MYCBP2: variants seen among roughly 807,000 people sequenced by gnomAD.
The protein encoded by MYCBP2 is MYC binding protein 2.
Under a neutral mutation model 525.3 loss-of-function variants are expected in MYCBP2, and 120 were observed. The observed-to-expected ratio is 0.23, with a 90% CI of 0.20 to 0.27. The LOEUF is 0.27. MYCBP2 is among the 10% of genes least tolerant of loss of function. MYCBP2 has a pLI of 1.00. For synonymous variants in MYCBP2, 1,894 were observed against 1,955.8 expected, an observed-to-expected ratio of 0.97 and a Z score of 0.83; for missense variants, 4,149 against 5,657.1, an observed-to-expected ratio of 0.73 and a Z score of 8.55.
intron 68 of MYCBP2, among the ~76,000 whole-genome samples, chr13:77,072,547 T>G (rs1206010103): frequency 3.3e-5 from 5 of 151,602 alleles, no homozygotes; most frequent in Non-Finnish European, 7.4e-5. Flanking sequence ...GGGAAAGAAA[T>G]AAAGTTGTGA....
Position 77,062,689 on chromosome 13 carries a change from A to T in MYCBP2, c.12681T>A (p.Leu4227=). ...CAAGAACACATAGGGATGCGAGAGC[A>T]AGCCAGAGCTGTTGAAAGGGAAGGC... ...VRCIATTRLW[L]ALASLCVLDQ... Residue 4227 remains leucine, a synonymous_variant, in exon 74 of 83, where the codon CTT becomes CTA. Transcript: ENST00000544440. The T allele has an allele frequency of 6.2e-7, 1 of 1,614,116 alleles. No individual in the cohort carries two copies. The highest frequency in any genetic ancestry group is 1.3e-5 in the African/African-American group (1 of 75,058).
intron 62 of MYCBP2, 47 bp downstream of exon 62, chr13:77,087,437 C>T (rs1320094973): frequency 4.8e-6 from 7 of 1,459,634 alleles, no homozygotes; most frequent in African/African-American, 4.2e-5. Flanking sequence ...AGGTATACTA[C>T]CAGTTTCTAT....
chr13:77,120,211 ACAC>A (rs1487643286), intron 55 of MYCBP2, among the ~76,000 whole-genome samples: 4 of 152,082 alleles, frequency 2.6e-5, no homozygotes, highest in African/African-American at 9.7e-5. Flanking sequence ...CATAAAGAAA[ACAC>A]CACCAAGCAT....
At chr13:77,199,223 A>C (rs996305418) in intron 26 of MYCBP2, among the ~76,000 whole-genome samples, 9 of 152,248 alleles carry the variant, frequency 5.9e-5, no homozygotes, top group Admixed American at 5.2e-4. Context: ...GCATTGCCTC[A>C]CTCGGGAAGC....
chr13:77,139,823 A>C (rs2054320711), intron 51 of MYCBP2, among the ~76,000 whole-genome samples: 1 of 152,226 alleles, frequency 6.6e-6, no homozygotes, highest in Admixed American at 6.5e-5. Flanking sequence ...ACTATGTCGA[A>C]CATTGTTCTT....
intron 68 of MYCBP2, 59 bp downstream of exon 68, chr13:77,076,692 T>C: frequency 2.9e-6 from 3 of 1,038,502 alleles, no homozygotes; most frequent in South Asian, 1.5e-5. Context: ...AAATGAATTA[T>C]TTCACTGAAA....
chr13:77,299,431 T>G (rs770888247), intron 1 of MYCBP2, among the ~76,000 whole-genome samples: 1 of 152,202 alleles, frequency 6.6e-6, no homozygotes, highest in Non-Finnish European at 1.5e-5. Context: ...AAATTACTTT[T>G]ACTGTGTTTT....
intron 55 of MYCBP2, among the ~76,000 whole-genome samples, chr13:77,112,078 T>G (rs1419005576): frequency 1.3e-5 from 2 of 152,004 alleles, no homozygotes; most frequent in African/African-American, 2.4e-5. Context: ...TATGTTAGCT[T>G]TTAAAATCTC....
In MYCBP2 at chr13:77,217,821, T is replaced by A. The variant is rs779215120; in HGVS notation, c.3057+19A>T. 3 of 1,485,894 alleles carry A rather than the reference T, an allele frequency of 2.0e-6. No individual in the cohort carries two copies. Among genetic ancestry groups the A allele is most frequent in the Admixed American group, 3.6e-5 (2 of 56,078 alleles). The allele number at this position is 1,485,894 out of a possible 1,614,324, so 92.0% of individuals were successfully genotyped here. On this transcript the variant is annotated intron_variant, in intron 21 of 82. Transcript: ENST00000544440. Reference sequence around the variant, plus strand: ...CAATGGTATAATGCAATATTATTAATGTTTTAAAAATTCCTTACAGAAAAA... The same window carrying A: ...CAATGGTATAATGCAATATTATTAAAGTTTTAAAAATTCCTTACAGAAAAA...
rs1419538256 is a variant in MYCBP2, at chr13:77,270,309, C to T, written c.1175G>A (p.Ser392Asn). 1.2e-6 allele frequency: 2 copies of T among 1,611,934 alleles called. No homozygotes were observed. The highest frequency in any genetic ancestry group is 1.7e-6 in the Non-Finnish European group (2 of 1,178,568). The stretch of plus-strand genomic sequence containing the variant: ...GAATCACATTACCCTAACTGTTCCA[C>T]TGTATCCAGAGCCTATTTTATATAA... ...DGLYKIGSGY[S>N]GTVRGHIYNS... is the part of the protein sequence containing the mutation. The change falls in exon 6 of 83, where the codon AGT becomes AAT. Residue 392 changes from serine to asparagine, a missense_variant. Ser to Asn is a conservative substitution (Grantham distance 46). This residue lies in a region of MYCBP2 where 262 missense variants were observed against 419.3 expected (regional missense o/e 0.62). Transcript: ENST00000544440.
intron 82 of MYCBP2, among the ~76,000 whole-genome samples, chr13:77,046,586 T>A (rs2035609529): frequency 6.6e-6 from 1 of 152,204 alleles, no homozygotes; most frequent in African/African-American, 2.4e-5. Context: ...CAATAAATGT[T>A]GGCTATTACT....
At chr13:77,295,554 C>G (rs1357906113) in intron 2 of MYCBP2, among the ~76,000 whole-genome samples, 1 of 152,172 alleles carries the variant, frequency 6.6e-6, no homozygotes, top group African/African-American at 2.4e-5. Context: ...CTCTCAGTTA[C>G]AATAGTAAAA....
chr13:77,084,881 C>T (rs188838348), intron 62 of MYCBP2, among the ~76,000 whole-genome samples: 85 of 152,088 alleles, frequency 5.6e-4, no homozygotes, highest in Non-Finnish European at 9.3e-4. Context: ...CTTCCCACAT[C>T]CCAAAGTTAC....
At chr13:77,142,468 C>T (rs1362399899) in intron 49 of MYCBP2, among the ~76,000 whole-genome samples, 1 of 152,186 alleles carries the variant, frequency 6.6e-6, no homozygotes, top group African/African-American at 2.4e-5. Context: ...TGTATGAGAA[C>T]ATACAATTAC....
intron 15 of MYCBP2, 135 bp from the exon 16 acceptor site, chr13:77,244,086 A>G: frequency 1.0e-6 from 1 of 960,690 alleles, no homozygotes; most frequent in Non-Finnish European, 1.5e-6. Flanking sequence ...ACCTCTTTAG[A>G]TCACGATTGT....
At position 77,044,966 on chromosome 13, in the gene MYCBP2, C is replaced by T. The variant is rs1359753746; in HGVS notation, c.*412G>A. 9 of 399,930 alleles carry T rather than the reference C, an allele frequency of 2.3e-5. No individual in the cohort carries two copies. The highest frequency in any genetic ancestry group is 2.5e-4 in the South Asian group (2 of 7,986). The allele number at this position is 399,930 out of a possible 1,614,324, so 24.8% of individuals were successfully genotyped here. On this transcript the variant is annotated 3_prime_UTR_variant, in exon 83 of 83. Transcript: ENST00000544440. The stretch of plus-strand genomic sequence containing the variant: ...GAATATTCCTCTTTTTATCCCCACC[C>T]GTGATGCAATTGTACAGGATTACAA...
At chr13:77,174,590 TCATATTTA>T in intron 36 of MYCBP2, 101 bp from the exon 37 acceptor site, 3 of 840,658 alleles carry the variant, frequency 3.6e-6, no homozygotes, top group Non-Finnish European at 3.6e-6. Context: ...AAATTCTTTG[TCATATTTA>T]CAGATGATAT....
rs554900189 is a variant in MYCBP2 at position 77,313,849 on chromosome 13, C to A, written c.302+12625G>T. Among the ~76,000 whole-genome samples, 8 of 151,992 alleles carry A rather than the reference C, an allele frequency of 5.3e-5. No individual in the cohort carries two copies. In the South Asian group the frequency reaches 1.3e-3, roughly 24 times the overall value. On this transcript the variant is annotated intron_variant, in intron 1 of 82. Transcript: ENST00000544440. ...AACTCAATTAAAGATGGGGCAAAGA[C>A]CTTAACAGACACCTCACCGAACAAG...
chr13:77,203,090 A>C (rs1286368035), intron 26 of MYCBP2, among the ~76,000 whole-genome samples: 1 of 152,052 alleles, frequency 6.6e-6, no homozygotes, highest in African/African-American at 2.4e-5. Flanking sequence ...AATTAGGAAA[A>C]GAGGAAGTCA....
Sources: allele counts gnomAD v4.1 joint callset (sites outside exome capture counted in the v4.1 genomes callset), GRCh38; gene constraint gnomAD v4.1.1; regional missense constraint gnomAD v4.1.1; transcripts MANE v1.5; gene names NCBI Gene and HGNC (gene_info 2026-07-23, HGNC 2026-07-21).